The following TEFM variants were observed in gnomAD, a reference collection of about 807,000 sequenced individuals.
TEFM encodes the protein transcription elongation factor, mitochondrial, also known as transcription elongation factor of mitochondria.
In TEFM, 14 loss-of-function variants were observed where a neutral mutation model predicts 23.0. The observed-to-expected ratio is 0.61, with a 90% CI of 0.40 to 0.95. The LOEUF is 0.95. Among genes scored for constraint, TEFM ranks in the 40% least tolerant of loss-of-function variants. The probability of loss-of-function intolerance (pLI) is 0.00; values close to 1 mark genes in which losing one functional copy is unlikely to be tolerated. For missense variants in TEFM, 386 were observed against 425.5 expected (o/e 0.91, Z 0.82); for synonymous variants, 155 against 158.3 (o/e 0.98, Z 0.16).
At chr17:30,899,951 G>C (rs749649895) in intron 3 of TEFM, 127 of 244,860 alleles carry the variant, frequency 5.2e-4, no homozygotes, top group Admixed American at 8.4e-4. Context: ...CATACGGTTA[G>C]AATAACTAGC....
Position 30,904,328 on chromosome 17 carries a change from T to C in TEFM, c.233A>G (p.Asn78Ser). The change falls in exon 2 of 4, where the codon AAT becomes AGT. Residue 78 changes from asparagine to serine, a missense_variant. Transcript: ENST00000581216. Reference sequence around the variant, plus strand: ...TTCAAGTTCTTTAGTAGATGCTGTATTCAACACATGCAAGATGGAAGCCTG... The same window carrying C: ...TTCAAGTTCTTTAGTAGATGCTGTACTCAACACATGCAAGATGGAAGCCTG... ...EQQASILHVLNTASTKELEAF... is the reference protein window; with the variant it reads ...EQQASILHVLSTASTKELEAF... The C allele has an allele frequency of 1.9e-6, 3 of 1,614,244 alleles. No homozygotes were observed. Among genetic ancestry groups the C allele is most frequent in the Non-Finnish European group, 2.5e-6 (3 of 1,180,034 alleles).
At position 30,899,549 on chromosome 17, in the gene TEFM, C is replaced by T; in HGVS notation, c.703G>A (p.Gly235Arg). 6.2e-7 allele frequency: 1 copy of T among 1,600,862 alleles called. No individual in the cohort carries two copies. The highest frequency in any genetic ancestry group is 8.5e-7 in the Non-Finnish European group (1 of 1,172,494). The change falls in exon 4 of 4, where the codon GGA (glycine) becomes AGA (arginine). Residue 235 changes from glycine (G) to arginine (R), a missense_variant. Gly to Arg is a moderately radical substitution (Grantham distance 125). Coordinates refer to ENST00000581216, the MANE Select transcript of TEFM (RefSeq NM_024683.4). Reference sequence around the variant, plus strand: ...AGAGATGAGTTCTGAATGGAAAGTCCTGTTTTTTCCAGAACATAGAAATCT... The same window carrying T: ...AGAGATGAGTTCTGAATGGAAAGTCTTGTTTTTTCCAGAACATAGAAATCT... ...KADFYVLEKT[G>R]LSIQNSSLFP...
chr17:30,900,922 T>A (rs1018541622), intron 2 of TEFM, among the ~76,000 whole-genome samples: 2 of 152,068 alleles, frequency 1.3e-5, no homozygotes, highest in African/African-American at 4.8e-5. Context: ...GTAAATATTT[T>A]AGATGCAAAC....
chr17:30,899,141 T>C lies in TEFM; in HGVS notation c.*28A>G, dbSNP rs1772408682. On this transcript the variant is annotated 3_prime_UTR_variant, in exon 4 of 4. Transcript: ENST00000581216. ...TTGGTGTTACGTTAGAGCTAATAAT[T>C]ATACTTTAGCACGTTAACCTCAGAA... The C allele has an allele frequency of 2.0e-6, 3 of 1,522,606 alleles. No homozygotes were observed. The highest frequency in any genetic ancestry group is 1.4e-5 in the African/African-American group (1 of 72,226). The allele number at this position is 1,522,606 out of a possible 1,614,324, so 94.3% of individuals were successfully genotyped here. A position where few individuals can be genotyped will look rare whatever the true frequency, so the allele number is the denominator to read the frequency against.
intron 2 of TEFM, among the ~76,000 whole-genome samples, chr17:30,902,506 A>T (rs760810006): frequency 6.6e-6 from 1 of 152,202 alleles, no homozygotes; most frequent in Non-Finnish European, 1.5e-5. Context: ...ACTCCACTCT[A>T]ATCTGGGTAT....
At position 30,899,166 on chromosome 17, in the gene TEFM, A is replaced by C. The variant is rs1159799469; in HGVS notation, c.*3T>G. The C allele has an allele frequency of 6.4e-7, 1 of 1,572,410 alleles. No individual in the cohort carries two copies. Reference sequence around the variant, plus strand: ...TATACTTTAGCACGTTAACCTCAGAATTCTAAGGCTGAGAGTCAAACACTG... The same window carrying C: ...TATACTTTAGCACGTTAACCTCAGACTTCTAAGGCTGAGAGTCAAACACTG... On this transcript the variant is annotated 3_prime_UTR_variant, in exon 4 of 4. Transcript: ENST00000581216.
chr17:30,899,726 C>T (rs1909997778), intron 3 of TEFM, 120 bp from the exon 4 acceptor site: 3 of 704,098 alleles, frequency 4.3e-6, no homozygotes, highest in Admixed American at 3.7e-5. Context: ...ACTATATTGA[C>T]AATTTTGAAA....
chr17:30,900,097 C>G (rs1315202313), intron 3 of TEFM: 4 of 399,552 alleles, frequency 1.0e-5, no homozygotes, highest in Non-Finnish European at 1.8e-5. Flanking sequence ...GTTTTGAAAA[C>G]TCAAATGAGA....
chr17:30,899,078 A>G lies in TEFM; in HGVS notation c.*91T>C. ...ATTTAAACATCTAAAATACACTGAA[A>G]ATGTGTTCTTTTCCAATAACATGGA... On this transcript the variant is annotated 3_prime_UTR_variant, in exon 4 of 4. Coordinates refer to ENST00000581216, the MANE Select transcript of TEFM (RefSeq NM_024683.4). The G allele has an allele frequency of 8.1e-7, 1 of 1,232,046 alleles. No individual in the cohort carries two copies. Among genetic ancestry groups the G allele is most frequent in the Non-Finnish European group, 1.1e-6 (1 of 896,176 alleles). The allele number at this position is 1,232,046 out of a possible 1,614,324, so 76.3% of individuals were successfully genotyped here. A position where few individuals can be genotyped will look rare whatever the true frequency, so the allele number is the denominator to read the frequency against.
At position 30,904,248 on chromosome 17, in the gene TEFM, T is replaced by C; in HGVS notation, c.313A>G (p.Asn105Asp). ...RSINIVEHRENFGPFQNLESL... is the reference protein window; with the variant it reads ...RSINIVEHREDFGPFQNLESL... ...TCTAAATTCTGAAATGGCCCAAAGT[T>C]TTCTCTGTGCTCTACGATATTGATG... The change falls in exon 2 of 4, where the codon AAC becomes GAC. Residue 105 changes from asparagine (N) to aspartate (D), a missense_variant. Coordinates refer to ENST00000581216, the MANE Select transcript of TEFM (RefSeq NM_024683.4). 1 of 1,614,200 alleles carries C rather than the reference T, an allele frequency of 6.2e-7. No homozygotes were observed.
intron 1 of TEFM, among the ~76,000 whole-genome samples, chr17:30,905,434 C>G (rs1022815485): frequency 1.7e-4 from 26 of 151,098 alleles, no homozygotes; most frequent in African/African-American, 6.3e-4. Flanking sequence ...GCAGGAGAAT[C>G]GCTTGAGCCC....
intron 2 of TEFM, among the ~76,000 whole-genome samples, chr17:30,901,176 ACACCCAG>A (rs1298676866): frequency 6.6e-6 from 1 of 151,972 alleles, no homozygotes; most frequent in Admixed American, 6.6e-5. Context: ...ACCTGCCACC[ACACCCAG>A]CTAATTTTTG....
At position 30,904,377 on chromosome 17, in the gene TEFM, C is replaced by G; in HGVS notation, c.184G>C (p.Asp62His). 1.2e-6 allele frequency: 2 copies of G among 1,614,152 alleles called. No homozygotes were observed. Among genetic ancestry groups the G allele is most frequent in the South Asian group, 1.1e-5 (1 of 91,074 alleles). ...TGCTGTTCTGAAGAGAAGAGCTTGT[C>G]AAGTGCATTTTCGGGCTCCTTTGCA... The part of the protein sequence containing the change: ...ENAKEPENAL[D>H]KLFSSEQQAS... The change falls in exon 2 of 4, where the codon GAC becomes CAC. Residue 62 changes from aspartate to histidine, a missense_variant. Coordinates refer to ENST00000581216, the MANE Select transcript of TEFM (RefSeq NM_024683.4).
rs781324156 is a variant in TEFM, at chr17:30,904,502, G to A, written c.59C>T (p.Ser20Leu). 3 of 1,610,370 alleles carry A rather than the reference G, an allele frequency of 1.9e-6. No individual in the cohort carries two copies. The highest frequency in any genetic ancestry group is 4.5e-5 in the East Asian group (2 of 44,806). Residue 20 changes from serine to leucine, a missense_variant, in exon 2 of 4, where the codon TCG (serine) becomes TTG (leucine). Physicochemically the swap from Ser to Leu is moderately radical, Grantham distance 145 (BLOSUM62 -2). Coordinates refer to ENST00000581216, the MANE Select transcript of TEFM (RefSeq NM_024683.4). ...GERWRCFLTP[S>L]RSSLYWALHN... ...TAAGGCCCAGTACAGGGATGACCTC[G>A]ACGGGGTCAGAAAGCATCTCCACCT...
chr17:30,901,373 T>A lies in TEFM; in HGVS notation c.496-811A>T, dbSNP rs146718802. ...CAGTTTATAGATAAAGGACCTATAC[T>A]CATTCTCAGCACCTTGCCCAAAGTA... On this transcript the variant is annotated intron_variant, in intron 2 of 3. Coordinates refer to ENST00000581216, the MANE Select transcript of TEFM (RefSeq NM_024683.4). Among the ~76,000 whole-genome samples, 10 of 152,306 alleles carry A rather than the reference T, an allele frequency of 6.6e-5. 1 individual carries two copies. The East Asian group carries it at 1.9e-3, about 29-fold the overall frequency.
At position 30,900,750 on chromosome 17, in the gene TEFM, C is replaced by G. The variant is rs556582882; in HGVS notation, c.496-188G>C. Among the ~76,000 whole-genome samples the G allele has an allele frequency of 5.3e-5, 8 of 151,170 alleles. No homozygotes were observed. In the South Asian group the frequency reaches 1.1e-3, roughly 20 times the overall value. On this transcript the variant is annotated intron_variant, in intron 2 of 3. Transcript: ENST00000581216. ...CCGACTAGCTGGGACTACAGGCGCC[C>G]GCCACCACGCCCGGCTAATTTTTTT...
intron 2 of TEFM, among the ~76,000 whole-genome samples, chr17:30,901,698 A>G (rs1349140994): frequency 6.6e-6 from 1 of 152,230 alleles, no homozygotes; most frequent in African/African-American, 2.4e-5. Flanking sequence ...TGAGTGCTAC[A>G]GGGGCCACTA....
At chr17:30,900,812 T>C (rs1910030944) in intron 2 of TEFM, among the ~76,000 whole-genome samples, 1 of 151,752 alleles carries the variant, frequency 6.6e-6, no homozygotes, top group Admixed American at 6.6e-5. Flanking sequence ...TTTACTGTGT[T>C]AGCCAGGATA....
At position 30,901,399 on chromosome 17, in the gene TEFM, G is replaced by A. The variant is rs752716474; in HGVS notation, c.496-837C>T. ...CATTCTCAGCACCTTGCCCAAAGTA[G>A]GCATTCAAACTCAAGTGTAGCCAAG... On this transcript the variant is annotated intron_variant, in intron 2 of 3. Coordinates refer to ENST00000581216, the MANE Select transcript of TEFM (RefSeq NM_024683.4). Among the ~76,000 whole-genome samples, 118 of 152,148 alleles carry A rather than the reference G, an allele frequency of 7.8e-4. 1 individual carries two copies. Among genetic ancestry groups the A allele is most frequent in the Non-Finnish European group, 1.1e-3 (74 of 68,030 alleles).
Sources: allele counts gnomAD v4.1 joint callset (sites outside exome capture counted in the v4.1 genomes callset), GRCh38; gene constraint gnomAD v4.1.1; transcripts MANE v1.5; gene names NCBI Gene and HGNC (gene_info 2026-07-23, HGNC 2026-07-21).